The following PCSK6 variants were observed in gnomAD, a reference collection of about 807,000 sequenced individuals.
PCSK6 encodes proprotein convertase subtilisin/kexin type 6.
Under a neutral mutation model 123.3 loss-of-function variants are expected in PCSK6, and 85 were observed. The ratio of observed to expected loss-of-function variants is 0.69; its 90% CI spans 0.58 to 0.83. The LOEUF is 0.83. PCSK6 is among the 40% of genes least tolerant of loss of function. PCSK6 has a pLI of 0.00. For synonymous variants in PCSK6, 508 were observed against 516.0 expected (o/e 0.98, Z 0.21); for missense variants, 1,191 against 1,282.3 (o/e 0.93, Z 1.09).
At chr15:101,372,386 A>C (rs2041611791) in intron 11 of PCSK6, among the ~76,000 whole-genome samples, 1 of 152,210 alleles carries the variant, frequency 6.6e-6, no homozygotes, top group Non-Finnish European at 1.5e-5. Context: ...CAATCAAAAC[A>C]GTTATAAACA....
chr15:101,394,184 A>C (rs2042330988), intron 7 of PCSK6, among the ~76,000 whole-genome samples: 1 of 138,382 alleles, frequency 7.2e-6, no homozygotes. Flanking sequence ...TACGTTACCC[A>C]GGCTGGTCTG....
intron 15 of PCSK6, among the ~76,000 whole-genome samples, chr15:101,327,634 C>G (rs2040286084): frequency 6.6e-6 from 1 of 152,170 alleles, no homozygotes; most frequent in South Asian, 2.1e-4. Flanking sequence ...TGCTGGCCAC[C>G]TTCATTTGGT....
chr15:101,486,507 G>A (rs28592103), intron 1 of PCSK6, among the ~76,000 whole-genome samples: 1,664 of 152,264 alleles, frequency 0.011, 37 homozygotes, highest in African/African-American at 0.037. Context: ...AATGACATTG[G>A]ACACTTCCAC....
At chr15:101,435,763 C>T (rs1257054044) in intron 2 of PCSK6, among the ~76,000 whole-genome samples, 1 of 152,194 alleles carries the variant, frequency 6.6e-6, no homozygotes, top group Non-Finnish European at 1.5e-5. Flanking sequence ...CGTTGACTGT[C>T]CCTCTGTTGA....
intron 9 of PCSK6, among the ~76,000 whole-genome samples, chr15:101,385,501 T>C (rs2042034200): frequency 1.3e-5 from 2 of 152,190 alleles, no homozygotes; most frequent in Non-Finnish European, 2.9e-5. Flanking sequence ...AAAGAACTCT[T>C]CAATAGTTAC....
intron 13 of PCSK6, among the ~76,000 whole-genome samples, chr15:101,361,987 T>C (rs575921315): frequency 3.3e-4 from 46 of 139,940 alleles, no homozygotes; most frequent in Admixed American, 1.8e-3. Context: ...GTTGGAGTCT[T>C]GCTCTATCAT....
At position 101,305,157 on chromosome 15, in the gene PCSK6, G is replaced by T; in HGVS notation, c.*101C>A. ...TCCTGGGGAGATAAAGCTGTCAGGT[G>T]CAGGGCGCCGCTCCTGAAACAGACT... On this transcript the variant is annotated 3_prime_UTR_variant, in exon 22 of 22. Transcript: ENST00000611716. The surrounding 1 kb of genome is among the most constrained non-coding windows in gnomAD (Gnocchi z 4.8). The T allele has an allele frequency of 1.0e-6, 1 of 962,882 alleles. No homozygotes were observed. The highest frequency in any genetic ancestry group is 1.6e-6 in the Non-Finnish European group (1 of 628,796). 59.6% of individuals were successfully genotyped at this position (962,882 alleles called of 1,614,324 possible).
chr15:101,326,622 A>G lies in PCSK6; in HGVS notation c.2078-143T>C, dbSNP rs541408975. 10 of 738,184 alleles carry G rather than the reference A, an allele frequency of 1.4e-5. No individual in the cohort carries two copies. In the South Asian group the frequency reaches 1.6e-4, roughly 12 times the overall value. 45.7% of individuals were successfully genotyped at this position (738,184 alleles called of 1,614,324 possible). On this transcript the variant is annotated intron_variant, in intron 15 of 21. Transcript: ENST00000611716. ...CCCGCTGGGGCTGGACGGCCAGACG[A>G]CAAGGCGGGAGCAGCCGTCCCTGCG...
intron 13 of PCSK6, among the ~76,000 whole-genome samples, chr15:101,356,369 AG>A (rs2041040746): frequency 6.6e-6 from 1 of 152,110 alleles, no homozygotes; most frequent in African/African-American, 2.4e-5. Flanking sequence ...AGTTCAATAA[AG>A]GTGTGCTGGG....
intron 20 of PCSK6, chr15:101,308,888 TAA>T (rs1201117941): frequency 6.6e-6 from 1 of 152,318 alleles, no homozygotes; most frequent in Non-Finnish European, 1.5e-5. Flanking sequence ...CTGAGTCATT[TAA>T]AGAGATGTCA....
At chr15:101,403,055 G>C (rs1376132519) in intron 6 of PCSK6, among the ~76,000 whole-genome samples, 2 of 151,778 alleles carry the variant, frequency 1.3e-5, no homozygotes, top group Non-Finnish European at 2.9e-5. Context: ...GATTAAGAAA[G>C]TGTGGCACAT....
intron 15 of PCSK6, among the ~76,000 whole-genome samples, chr15:101,328,593 G>A (rs960773287): frequency 3.3e-5 from 5 of 152,118 alleles, no homozygotes; most frequent in East Asian, 1.9e-4. Flanking sequence ...CTGCTGGTCC[G>A]GGTGTATGGA....
chr15:101,337,949 A>G (rs1183629546), intron 13 of PCSK6, among the ~76,000 whole-genome samples: 1 of 152,222 alleles, frequency 6.6e-6, no homozygotes, highest in East Asian at 1.9e-4. Context: ...TCTGACAGAA[A>G]TATTACTTGA....
intron 6 of PCSK6, among the ~76,000 whole-genome samples, chr15:101,418,363 T>C (rs2055962447): frequency 6.6e-6 from 1 of 152,076 alleles, no homozygotes; most frequent in Non-Finnish European, 1.5e-5. Context: ...GAGAGAAACA[T>C]CACAAAACAC....
At chr15:101,428,971 AGGCTG>A (rs1434793362) in intron 5 of PCSK6, among the ~76,000 whole-genome samples, 1 of 152,122 alleles carries the variant, frequency 6.6e-6, no homozygotes, top group African/African-American at 2.4e-5. Flanking sequence ...GACGTGCATG[AGGCTG>A]GGCTGCTGCA....
chr15:101,419,374 A>G (rs28527421), intron 6 of PCSK6, among the ~76,000 whole-genome samples: 4,287 of 152,252 alleles, frequency 0.028, 195 homozygotes, highest in African/African-American at 0.098. Context: ...TATAAAATCG[A>G]TATGGAGAAA....
chr15:101,365,010 G>C, intron 13 of PCSK6: 1 of 777,468 alleles, frequency 1.3e-6, no homozygotes, highest in Non-Finnish European at 2.4e-6. Context: ...TCTCTTCTGT[G>C]GTCAGTTGAT....
intron 13 of PCSK6, among the ~76,000 whole-genome samples, chr15:101,348,415 G>C (rs1012392717): frequency 6.6e-6 from 1 of 152,244 alleles, no homozygotes; most frequent in Non-Finnish European, 1.5e-5. Flanking sequence ...GAGGTATGAA[G>C]TGTGAACTAT....
intron 7 of PCSK6, among the ~76,000 whole-genome samples, chr15:101,397,786 G>A (rs1175608721): frequency 6.6e-6 from 1 of 152,254 alleles, no homozygotes; most frequent in East Asian, 1.9e-4. Context: ...CGGAACCAAA[G>A]ACCACAGAGT....
Sources: gnomAD v4.1 joint callset for allele counts (sites outside exome capture counted in the v4.1 genomes callset) on GRCh38, gnomAD v4.1.1 for gene constraint, Gnocchi (gnomAD v3.1) non-coding constraint, MANE v1.5 for transcripts, NCBI Gene and HGNC (gene_info 2026-07-23, HGNC 2026-07-21) for gene names.